HSPD1: variants seen among roughly 807,000 people sequenced by gnomAD.
HSPD1 encodes the protein 60 kDa heat shock protein, mitochondrial.
In HSPD1, 3 loss-of-function variants were observed where a neutral mutation model predicts 53.0. That is an observed-to-expected ratio of 0.06 (90% CI 0.03 to 0.15). HSPD1 has a LOEUF of 0.15. Ranked by LOEUF, HSPD1 falls within the 10% of genes least tolerant of loss-of-function variation. HSPD1 has a pLI of 1.00. For missense variants in HSPD1, 431 were observed against 694.1 expected (o/e 0.62, Z 4.26); for synonymous variants, 200 against 228.0 (o/e 0.88, Z 1.10).
At chr2:197,496,068 A>C (rs2086153604) in intron 3 of HSPD1, among the ~76,000 whole-genome samples, 1 of 152,204 alleles carries the variant, frequency 6.6e-6, no homozygotes, top group East Asian at 1.9e-4. Context: ...ATTTTCAACA[A>C]GAAGTACAGT....
At chr2:197,488,168 TG>T (rs1241357982) in intron 10 of HSPD1, 132 bp from the exon 11 acceptor site, 1 of 982,524 alleles carries the variant, frequency 1.0e-6, no homozygotes, top group African/African-American at 1.6e-5. Flanking sequence ...CTGAAAAAGA[TG>T]TGATGCATGT....
chr2:197,499,166 C>A, intron 1 of HSPD1: 1 of 441,120 alleles, frequency 2.3e-6, no homozygotes, highest in South Asian at 2.2e-5. Flanking sequence ...TGTGGGCAGA[C>A]CCACTCCAAC....
intron 8 of HSPD1, among the ~76,000 whole-genome samples, 194 bp from the exon 9 acceptor site, chr2:197,489,441 A>T (rs1439734251): frequency 6.6e-6 from 1 of 152,192 alleles, no homozygotes; most frequent in Non-Finnish European, 1.5e-5. Context: ...CTCAATTCTC[A>T]CAACTGTGGT....
At chr2:197,492,480 A>G (rs974854974) in intron 7 of HSPD1, among the ~76,000 whole-genome samples, 2 of 152,066 alleles carry the variant, frequency 1.3e-5, no homozygotes, top group Non-Finnish European at 2.9e-5. Context: ...GTGAGCCACC[A>G]TGCCTGGCTC....
At chr2:197,490,515 A>G in intron 7 of HSPD1, 1 of 555,350 alleles carries the variant, frequency 1.8e-6, no homozygotes, top group African/African-American at 1.9e-5. Flanking sequence ...ATACTTGTCC[A>G]TATCCGTTTA....
chr2:197,489,742 C>G (rs2086068277), intron 8 of HSPD1, among the ~76,000 whole-genome samples: 1 of 152,040 alleles, frequency 6.6e-6, no homozygotes, highest in Non-Finnish European at 1.5e-5. Context: ...GTAGTCCCAG[C>G]TACTTGGGAG....
intron 8 of HSPD1, among the ~76,000 whole-genome samples, chr2:197,489,810 G>A (rs1196137207): frequency 2.6e-5 from 4 of 151,744 alleles, no homozygotes; most frequent in African/African-American, 4.8e-5. Flanking sequence ...AGCCAAGATC[G>A]TGCCACTGCA....
intron 1 of HSPD1, chr2:197,499,236 G>C (rs1007937650): frequency 3.0e-6 from 1 of 338,336 alleles, no homozygotes; most frequent in African/African-American, 2.1e-5. Flanking sequence ...CAAGTGACCA[G>C]GGAAGTTAAA....
intron 2 of HSPD1, among the ~76,000 whole-genome samples, chr2:197,497,927 G>A (rs1218604107): frequency 6.6e-6 from 1 of 152,192 alleles, no homozygotes; most frequent in African/African-American, 2.4e-5. Context: ...TTAGGCAGTT[G>A]TTGGATCACT....
At chr2:197,496,026 C>CA (rs1266592017) in intron 3 of HSPD1, among the ~76,000 whole-genome samples, 1 of 151,976 alleles carries the variant, frequency 6.6e-6, no homozygotes, top group African/African-American at 2.4e-5. Context: ...TTAGATGATG[C>CA]AAAAAAGGAC....
At chr2:197,488,285 G>A in intron 10 of HSPD1, 32 bp downstream of exon 10, 3 of 1,598,328 alleles carry the variant, frequency 1.9e-6, no homozygotes, top group Non-Finnish European at 2.6e-6. Flanking sequence ...CTAAAATCAG[G>A]CCACAAACTC....
chr2:197,499,033 A>G (rs996514200), intron 1 of HSPD1, 183 bp from the exon 2 acceptor site: 4 of 665,628 alleles, frequency 6.0e-6, no homozygotes, highest in Non-Finnish European at 1.1e-5. Context: ...AGCGCAAGCT[A>G]AAGAGGCCGC....
At chr2:197,495,059 T>G (rs2086141015) in intron 4 of HSPD1, 1 of 600,474 alleles carries the variant, frequency 1.7e-6, no homozygotes, top group Admixed American at 3.0e-5. Context: ...ATTTTCACAA[T>G]CATATGAATC....
In HSPD1 at chr2:197,495,387, G is replaced by A. The variant is rs780386445; in HGVS notation, c.428-11C>T. The A allele has an allele frequency of 1.5e-5, 23 of 1,522,288 alleles. No homozygotes were observed. Among genetic ancestry groups the A allele is most frequent in the Middle Eastern group, 3.4e-4 (2 of 5,904 alleles). 94.3% of individuals were successfully genotyped at this position (1,522,288 alleles called of 1,614,324 possible). On this transcript the variant is annotated splice_polypyrimidine_tract_variant and intron_variant, in intron 3 of 11. Transcript: ENST00000388968. ...CAGCTAACATCACACCTAGTTCAAC[G>A]ATATATGTCATTACAATGTTTATTT...
At position 197,489,124 on chromosome 2, in the gene HSPD1, C is replaced by G; in HGVS notation, c.1093G>C (p.Ala365Pro). 6.2e-7 allele frequency: 1 copy of G among 1,614,000 alleles called. No homozygotes were observed. The highest frequency in any genetic ancestry group is 8.5e-7 in the Non-Finnish European group (1 of 1,179,958). Residue 365 changes from alanine (A) to proline (P), a missense_variant, in exon 9 of 12, where the codon GCT becomes CCT. Ala to Pro is a conservative substitution (Grantham distance 27). This residue lies in a region of HSPD1 where 386 missense variants were observed against 657.6 expected (regional missense o/e 0.59). Coordinates refer to ENST00000388968, the MANE Select transcript of HSPD1 (RefSeq NM_002156.5). Reference sequence around the variant, plus strand: ...TCTTGAATACGTTTTTCAATTTGAGCCTTGTCACCTTTTCCTTTTAAGAGC... The same window carrying G: ...TCTTGAATACGTTTTTCAATTTGAGGCTTGTCACCTTTTCCTTTTAAGAGC... ...AMLLKGKGDK[A>P]QIEKRIQEII...
rs375104586 is a variant in HSPD1, at chr2:197,498,870, G to C, written c.-2-20C>G. The C allele has an allele frequency of 1.9e-6, 3 of 1,612,486 alleles. No homozygotes were observed. The highest frequency in any genetic ancestry group is 2.5e-6 in the Non-Finnish European group (3 of 1,178,732). On this transcript the variant is annotated intron_variant, in intron 1 of 11. Transcript: ENST00000388968. Reference sequence around the variant, plus strand: ...GCATTTCTGGGGATGGAAGCAAAAAGATCATCAGAACTACCACCCGTGGTG... The same window carrying C: ...GCATTTCTGGGGATGGAAGCAAAAACATCATCAGAACTACCACCCGTGGTG...
intron 3 of HSPD1, 96 bp from the exon 4 acceptor site, chr2:197,495,472 T>G (rs903752553): frequency 6.5e-6 from 6 of 921,144 alleles, no homozygotes; most frequent in Middle Eastern, 2.2e-4. Flanking sequence ...TTTTAATGCC[T>G]TAACTTAAAA....
Position 197,498,808 on chromosome 2 carries a change from A to C in HSPD1, c.41T>G (p.Val14Gly), listed in dbSNP as rs527861213. The C allele has an allele frequency of 1.2e-6, 2 of 1,614,206 alleles. No homozygotes were observed. Among genetic ancestry groups the C allele is most frequent in the East Asian group, 4.5e-5 (2 of 44,882 alleles). Reference protein sequence around the residue: ...LPTVFRQMRPVSRVLAPHLTR... With the variant: ...LPTVFRQMRPGSRVLAPHLTR... ...GAGATGAGGAGCCAGTACCCTGGAC[A>C]CCGGTCTCATCTGGCGAAAGACTGT... The change falls in exon 2 of 12, where the codon GTG (valine) becomes GGG (glycine). Residue 14 changes from valine (V) to glycine (G), a missense_variant. Physicochemically the swap from Val to Gly is moderately radical, Grantham distance 109. This residue lies in a region of HSPD1 where 45 missense variants were observed against 36.5 expected (regional missense o/e 1.23). Coordinates refer to ENST00000388968, the MANE Select transcript of HSPD1 (RefSeq NM_002156.5).
At chr2:197,491,759 A>G (rs567707742) in intron 7 of HSPD1, among the ~76,000 whole-genome samples, 3 of 152,242 alleles carry the variant, frequency 2.0e-5, no homozygotes, top group Non-Finnish European at 2.9e-5. Flanking sequence ...GTAGATTTAA[A>G]TAAGTGACTA....
Sources: gnomAD v4.1 joint callset for allele counts (sites outside exome capture counted in the v4.1 genomes callset) on GRCh38, gnomAD v4.1.1 for gene constraint, gnomAD v4.1.1 regional missense constraint, MANE v1.5 for transcripts, NCBI Gene and HGNC (gene_info 2026-07-23, HGNC 2026-07-21) for gene names.